Variants in PPP2R5E observed in about 807,000 individuals in gnomAD.
The protein encoded by PPP2R5E is protein phosphatase 2 regulatory subunit B'epsilon.
PPP2R5E carries 4 observed loss-of-function variants against 65.3 expected under a neutral mutation model. The observed-to-expected ratio is 0.06, with a 90% confidence interval of 0.03 to 0.14. PPP2R5E has a LOEUF of 0.14. Among genes scored for constraint, PPP2R5E ranks in the 10% least tolerant of loss-of-function variants. The pLI, the probability that PPP2R5E is intolerant of heterozygous loss-of-function variation, is 1.00. For synonymous variants in PPP2R5E, 183 were observed against 187.4 expected (o/e 0.98, Z 0.19); for missense variants, 274 against 556.1 (o/e 0.49, Z 5.10).
chr14:63,455,817 G>T (rs1289360214), intron 2 of PPP2R5E, among the ~76,000 whole-genome samples: 2 of 152,062 alleles, frequency 1.3e-5, no homozygotes, highest in African/African-American at 4.8e-5. Context: ...TGCTGCAAAG[G>T]GGGCAAGAAA....
At chr14:63,384,619 A>G in intron 11 of PPP2R5E, 48 bp from the exon 12 acceptor site, 1 of 1,474,676 alleles carries the variant, frequency 6.8e-7, no homozygotes, top group Middle Eastern at 1.8e-4. Context: ...AAAGACAAAG[A>G]TAAAACAAAA....
intron 3 of PPP2R5E, among the ~76,000 whole-genome samples, chr14:63,448,791 A>C (rs1468638498): frequency 6.6e-6 from 1 of 150,606 alleles, no homozygotes; most frequent in Non-Finnish European, 1.5e-5. Flanking sequence ...CTTCGTCAAA[A>C]AAAAAAAAAA....
chr14:63,484,169 C>T (rs1366986366), intron 2 of PPP2R5E, among the ~76,000 whole-genome samples: 1 of 151,890 alleles, frequency 6.6e-6, no homozygotes, highest in Non-Finnish European at 1.5e-5. Context: ...ATGATGGGGC[C>T]ACTCCCTAAA....
chr14:63,496,448 A>AC (rs1239635889), intron 2 of PPP2R5E, among the ~76,000 whole-genome samples: 2 of 151,684 alleles, frequency 1.3e-5, no homozygotes, highest in African/African-American at 2.4e-5. Flanking sequence ...TGTCTCAAAA[A>AC]AAAAAAAAAA....
chr14:63,425,259 C>T (rs947977964), intron 3 of PPP2R5E, among the ~76,000 whole-genome samples: 5 of 152,208 alleles, frequency 3.3e-5, no homozygotes, highest in African/African-American at 9.6e-5. Context: ...CCAGTGATTA[C>T]TAGAAATTAT....
intron 4 of PPP2R5E, among the ~76,000 whole-genome samples, chr14:63,417,965 G>A (rs1886795658): frequency 6.6e-6 from 1 of 152,154 alleles, no homozygotes; most frequent in Non-Finnish European, 1.5e-5. Flanking sequence ...TGATTTAAAT[G>A]TTTCTTCTCA....
At chr14:63,451,902 T>A (rs1018496815) in intron 3 of PPP2R5E, 11 of 152,252 alleles carry the variant, frequency 7.2e-5, no homozygotes, top group Admixed American at 2.0e-4. Flanking sequence ...ATTAAATTTT[T>A]AAAAATAAAT....
At chr14:63,431,457 A>C (rs944261046) in intron 3 of PPP2R5E, among the ~76,000 whole-genome samples, 1 of 152,190 alleles carries the variant, frequency 6.6e-6, no homozygotes, top group Non-Finnish European at 1.5e-5. Context: ...TATTATTCCA[A>C]ACATGTTTAT....
At chr14:63,415,297 C>T in intron 4 of PPP2R5E, 65 bp from the exon 5 acceptor site, 1 of 1,169,766 alleles carries the variant, frequency 8.5e-7, no homozygotes. Flanking sequence ...TAAAAACCAC[C>T]AAAAGCCTGT....
At chr14:63,480,359 GGTGGGAGAATTGC>G (rs1890633967) in intron 2 of PPP2R5E, among the ~76,000 whole-genome samples, 1 of 152,132 alleles carries the variant, frequency 6.6e-6, no homozygotes, top group Non-Finnish European at 1.5e-5. Context: ...GGGAGGCTGA[GGTGGGAGAATTGC>G]TTGAATCTGG....
At chr14:63,453,584 C>A in intron 3 of PPP2R5E, 105 bp downstream of exon 3, 1 of 1,108,276 alleles carries the variant, frequency 9.0e-7, no homozygotes, top group East Asian at 2.4e-5. Context: ...GGTTGGCTCT[C>A]ATTTGTGGAG....
intron 3 of PPP2R5E, among the ~76,000 whole-genome samples, chr14:63,440,783 CAAAAA>C (rs763718989): frequency 9.2e-6 from 1 of 108,842 alleles, no homozygotes; most frequent in African/African-American, 3.7e-5. Context: ...CTAAAAAATA[CAAAAA>C]AAAAAAAAAA....
rs145608486 is a variant in PPP2R5E, at chr14:63,509,477, T to C, written c.157+30052A>G. On this transcript the variant is annotated intron_variant, in intron 2 of 13. Transcript: ENST00000337537. ...TTAGTAGAGAAGGGGTTTTGCCATG[T>C]TGGCCAGGCTGGTTTCGAACTCCTG... 4.1e-3 allele frequency among the ~76,000 whole-genome samples: 630 copies of C among 152,208 alleles called. 5 individuals carry two copies. Among genetic ancestry groups the C allele is most frequent in the Non-Finnish European group, 5.1e-3 (349 of 68,004 alleles).
chr14:63,473,614 A>G (rs959629844), intron 2 of PPP2R5E, among the ~76,000 whole-genome samples: 3 of 152,194 alleles, frequency 2.0e-5, no homozygotes, highest in African/African-American at 7.2e-5. Flanking sequence ...AACAACCAAA[A>G]CAGCTCTCTA....
chr14:63,498,020 T>C (rs916213007), intron 2 of PPP2R5E, among the ~76,000 whole-genome samples: 2 of 152,224 alleles, frequency 1.3e-5, no homozygotes, highest in Non-Finnish European at 2.9e-5. Context: ...TGGCAATAAC[T>C]GAATTTAGTT....
intron 2 of PPP2R5E, among the ~76,000 whole-genome samples, chr14:63,477,201 C>T (rs1055938203): frequency 1.3e-5 from 2 of 152,102 alleles, no homozygotes; most frequent in Admixed American, 1.3e-4. Flanking sequence ...ACTACTACTA[C>T]ACCTACTATA....
intron 5 of PPP2R5E, among the ~76,000 whole-genome samples, chr14:63,409,459 T>G (rs1348913354): frequency 6.6e-6 from 1 of 152,160 alleles, no homozygotes; most frequent in Non-Finnish European, 1.5e-5. Flanking sequence ...TAATACATTC[T>G]ATCAATGCGG....
intron 2 of PPP2R5E, among the ~76,000 whole-genome samples, chr14:63,474,640 C>G (rs1330287664): frequency 8.2e-6 from 1 of 121,714 alleles, no homozygotes; most frequent in East Asian, 2.6e-4. Context: ...CACCACTGTA[C>G]TCCAGCCTGG....
chr14:63,422,750 A>C (rs1290068004), intron 3 of PPP2R5E, among the ~76,000 whole-genome samples: 1 of 140,338 alleles, frequency 7.1e-6, no homozygotes, highest in African/African-American at 2.8e-5. Context: ...AAAAAAAAAA[A>C]AAAAAAAAAC....
Sources: gnomAD v4.1 joint callset for allele counts (sites outside exome capture counted in the v4.1 genomes callset) on GRCh38, gnomAD v4.1.1 for gene constraint, MANE v1.5 for transcripts, NCBI Gene and HGNC (gene_info 2026-07-23, HGNC 2026-07-21) for gene names.